MAP3K5: variants seen among roughly 807,000 people sequenced by gnomAD.
MAP3K5 encodes mitogen-activated protein kinase kinase kinase 5.
MAP3K5 carries 56 observed loss-of-function variants against 158.7 expected under a neutral mutation model. The observed-to-expected ratio is 0.35, with a 90% CI of 0.28 to 0.44. The LOEUF (loss-of-function observed/expected upper bound fraction) is 0.44, where lower values mean the gene tolerates loss of function less well. Ranked by LOEUF, MAP3K5 falls within the 20% of genes least tolerant of loss-of-function variation. The pLI, the probability that MAP3K5 is intolerant of heterozygous loss-of-function variation, is 1.00. For synonymous variants in MAP3K5, 579 were observed against 601.7 expected, an observed-to-expected ratio of 0.96 and a Z score of 0.55; for missense variants, 1,294 against 1,674.8, an observed-to-expected ratio of 0.77 and a Z score of 3.97.
intron 1 of MAP3K5, among the ~76,000 whole-genome samples, chr6:136,761,798 A>C (rs1289258791): frequency 6.6e-6 from 1 of 152,200 alleles, no homozygotes; most frequent in Non-Finnish European, 1.5e-5. Flanking sequence ...AGGAAACTGC[A>C]CTGATCAGAA....
intron 11 of MAP3K5, among the ~76,000 whole-genome samples, chr6:136,648,922 A>C (rs752140009): frequency 4.6e-5 from 7 of 152,220 alleles, no homozygotes; most frequent in Non-Finnish European, 8.8e-5. Context: ...ACCTCATAGA[A>C]TTGTCCTCAG....
At chr6:136,744,529 A>T (rs1485598098) in intron 1 of MAP3K5, among the ~76,000 whole-genome samples, 2 of 152,112 alleles carry the variant, frequency 1.3e-5, no homozygotes, top group Non-Finnish European at 2.9e-5. Flanking sequence ...TGGAAGGAGG[A>T]CCTAGTCCAT....
intron 11 of MAP3K5, among the ~76,000 whole-genome samples, chr6:136,647,248 T>C (rs922682762): frequency 1.3e-5 from 2 of 152,234 alleles, no homozygotes; most frequent in Non-Finnish European, 2.9e-5. Context: ...GCAACCATTA[T>C]GGAGCACTTG....
intron 7 of MAP3K5, among the ~76,000 whole-genome samples, chr6:136,691,209 T>C (rs192153977): frequency 6.6e-6 from 1 of 152,318 alleles, no homozygotes; most frequent in Non-Finnish European, 1.5e-5. Flanking sequence ...TGTTTTTTAT[T>C]TGTTTGTTTG....
chr6:136,659,966 T>A (rs1005697524), intron 8 of MAP3K5, among the ~76,000 whole-genome samples: 6 of 152,172 alleles, frequency 3.9e-5, no homozygotes, highest in Admixed American at 3.9e-4. Flanking sequence ...AACCTTTAAT[T>A]TGAAAACCCA....
At chr6:136,695,144 T>A (rs1780547499) in intron 6 of MAP3K5, among the ~76,000 whole-genome samples, 1 of 152,026 alleles carries the variant, frequency 6.6e-6, no homozygotes, top group Non-Finnish European at 1.5e-5. Flanking sequence ...ATATATTTAG[T>A]TTGTTTGTTT....
chr6:136,705,823 C>T (rs1389486397), intron 2 of MAP3K5, among the ~76,000 whole-genome samples: 2 of 152,124 alleles, frequency 1.3e-5, no homozygotes, highest in Admixed American at 1.3e-4. Flanking sequence ...GTCTCTCACA[C>T]TCTGGGAGGG....
intron 1 of MAP3K5, among the ~76,000 whole-genome samples, chr6:136,751,374 A>G (rs6933827): frequency 0.052 from 7,899 of 152,242 alleles, 284 homozygotes; most frequent in African/African-American, 0.11. Context: ...GCATTAAGGA[A>G]ACACTCAAGA....
intron 1 of MAP3K5, among the ~76,000 whole-genome samples, chr6:136,730,168 T>TG (rs950297604): frequency 5.2e-5 from 3 of 57,272 alleles, no homozygotes; most frequent in Admixed American, 1.6e-4. Flanking sequence ...TTTTTTTTTG[T>TG]TTTTTGTTTT....
chr6:136,699,756 C>T (rs961769537), intron 3 of MAP3K5, among the ~76,000 whole-genome samples: 79 of 152,316 alleles, frequency 5.2e-4, no homozygotes, highest in African/African-American at 1.4e-3. Context: ...TTAGACTGTA[C>T]ATTCTGGACA....
chr6:136,755,178 A>C (rs1361253429), intron 1 of MAP3K5, among the ~76,000 whole-genome samples: 1 of 151,784 alleles, frequency 6.6e-6, no homozygotes, highest in Non-Finnish European at 1.5e-5. Context: ...GAGGCTGAAA[A>C]CCCTTCACTT....
intron 21 of MAP3K5, among the ~76,000 whole-genome samples, chr6:136,596,227 T>C (rs988944458): frequency 2.4e-4 from 36 of 150,902 alleles, no homozygotes; most frequent in African/African-American, 6.8e-4. Flanking sequence ...AGCCATGAGG[T>C]TGGAGGAAAA....
chr6:136,643,669 T>C (rs537366254), intron 11 of MAP3K5, among the ~76,000 whole-genome samples: 5 of 152,332 alleles, frequency 3.3e-5, no homozygotes, highest in Non-Finnish European at 5.9e-5. Context: ...AGATGTGAAT[T>C]TACTAAAAAG....
chr6:136,662,513 C>A lies in MAP3K5; in HGVS notation c.1367-3135G>T, dbSNP rs75704809. On this transcript the variant is annotated intron_variant, in intron 8 of 29. Transcript: ENST00000359015. The stretch of plus-strand genomic sequence containing the variant: ...GTCCGTTCTCTCTGTCTCTTCCTTT[C>A]TCTCTCTCCCTCTCTCTCTTCCTTT... 2.0e-3 allele frequency among the ~76,000 whole-genome samples: 304 copies of A among 152,072 alleles called. 8 individuals carry two copies. In the East Asian group the frequency reaches 0.048, roughly 24 times the overall value.
At chr6:136,789,357 T>C (rs1440541851) in intron 1 of MAP3K5, among the ~76,000 whole-genome samples, 2 of 152,162 alleles carry the variant, frequency 1.3e-5, no homozygotes, top group Non-Finnish European at 2.9e-5. Flanking sequence ...ATAAAACTGA[T>C]GCACTACCTT....
chr6:136,711,068 C>T (rs987032142), intron 2 of MAP3K5, among the ~76,000 whole-genome samples: 3 of 151,996 alleles, frequency 2.0e-5, no homozygotes, highest in Non-Finnish European at 4.4e-5. Context: ...GGAGAGTAAT[C>T]CAACAAAAGT....
chr6:136,653,542 G>C (rs1778612011), intron 10 of MAP3K5, among the ~76,000 whole-genome samples: 1 of 152,250 alleles, frequency 6.6e-6, no homozygotes, highest in African/African-American at 2.4e-5. Context: ...GTACTAAAAG[G>C]CTGCCTTTCT....
intron 11 of MAP3K5, among the ~76,000 whole-genome samples, chr6:136,645,090 G>A (rs1031372547): frequency 6.6e-6 from 1 of 151,924 alleles, no homozygotes; most frequent in Non-Finnish European, 1.5e-5. Flanking sequence ...CACCAAACCT[G>A]GTTAATTTTT....
intron 26 of MAP3K5, 105 bp from the exon 27 acceptor site, chr6:136,562,720 G>A: frequency 1.8e-6 from 1 of 560,392 alleles, no homozygotes; most frequent in Non-Finnish European, 3.1e-6. Flanking sequence ...TGCCTAGGCT[G>A]AGTGTAGTGG....
Sources: gnomAD v4.1 joint callset for allele counts (sites outside exome capture counted in the v4.1 genomes callset) on GRCh38, gnomAD v4.1.1 for gene constraint, MANE v1.5 for transcripts, NCBI Gene and HGNC (gene_info 2026-07-23, HGNC 2026-07-21) for gene names.